ANO4: variants seen among roughly 807,000 people sequenced by gnomAD.
ANO4 encodes anoctamin-4.
In ANO4, 69 loss-of-function variants were observed where a neutral mutation model predicts 141.9. That is an observed-to-expected ratio of 0.49 (90% CI 0.40 to 0.59). The LOEUF (loss-of-function observed/expected upper bound fraction) is 0.59. Ranked by LOEUF, ANO4 falls within the 20% of genes least tolerant of loss-of-function variation. The pLI, the probability that ANO4 is intolerant of heterozygous loss-of-function variation, is 0.00. For synonymous variants in ANO4, 350 were observed against 394.3 expected, an observed-to-expected ratio of 0.89 and a Z score of 1.33; for missense variants, 894 against 1,162.2, an observed-to-expected ratio of 0.77 and a Z score of 3.36.
rs748666892 is a variant in ANO4 at position 100,988,872 on chromosome 12, G to GAAAAAAAAAAAAAAA, written c.734+1204_734+1218dup. 4.8e-4 allele frequency among the ~76,000 whole-genome samples: 31 copies of GAAAAAAAAAAAAAAA among 65,028 alleles called. 1 individual carries two copies. Among genetic ancestry groups the GAAAAAAAAAAAAAAA allele is most frequent in the Admixed American group, 1.2e-3 (7 of 5,978 alleles). The allele number at this position is 65,028 out of a possible 152,430, so 42.7% of individuals were successfully genotyped here. A position where few individuals can be genotyped will look rare whatever the true frequency, so the allele number is the denominator to read the frequency against. ...GGTGACAGAGTGAGACTCTGTCTCAGAAAAAAAAAAAAAAAAGAAAGAAAA... is the reference window on the plus strand; with the variant it reads ...GGTGACAGAGTGAGACTCTGTCTCAGAAAAAAAAAAAAAAAAAAAAAAAAAAAAAAAGAAAGAAAA... On this transcript the variant is annotated intron_variant, in intron 8 of 27. Coordinates refer to ENST00000392977, the MANE Select transcript of ANO4 (RefSeq NM_001286615.2).
At chr12:100,896,790 G>C (rs1301584781) in intron 1 of ANO4, among the ~76,000 whole-genome samples, 2 of 152,172 alleles carry the variant, frequency 1.3e-5, no homozygotes, top group Non-Finnish European at 2.9e-5. Flanking sequence ...AAACGCTAGA[G>C]CCTAAAGCCT....
intron 15 of ANO4, among the ~76,000 whole-genome samples, chr12:101,080,076 C>A (rs915200305): frequency 2.6e-5 from 4 of 152,194 alleles, no homozygotes; most frequent in Non-Finnish European, 4.4e-5. Context: ...CAGAGCCTTG[C>A]TGTGCCAGTA....
At chr12:100,749,835 G>C (rs1171015395) in intron 3 of ANO4, among the ~76,000 whole-genome samples, 1 of 152,210 alleles carries the variant, frequency 6.6e-6, no homozygotes, top group Non-Finnish European at 1.5e-5. Flanking sequence ...GTCCACAAGA[G>C]CTAAGAGAGC....
chr12:100,805,883 A>G (rs1183488272), intron 1 of ANO4, among the ~76,000 whole-genome samples: 1 of 152,172 alleles, frequency 6.6e-6, no homozygotes, highest in Non-Finnish European at 1.5e-5. Flanking sequence ...TTGGAGGACC[A>G]TGTGGCCACA....
At chr12:100,859,759 T>A (rs1468910398) in intron 1 of ANO4, among the ~76,000 whole-genome samples, 1 of 152,184 alleles carries the variant, frequency 6.6e-6, no homozygotes, top group Non-Finnish European at 1.5e-5. Context: ...CGTTCTTTTT[T>A]AATCCTGGCA....
chr12:100,725,260 C>A (rs2031056839), intron 1 of ANO4, among the ~76,000 whole-genome samples: 1 of 151,748 alleles, frequency 6.6e-6, no homozygotes, highest in Non-Finnish European at 1.5e-5. Flanking sequence ...TGTTTGTTTG[C>A]TCAGCCTTTG....
chr12:100,929,667 T>A (rs2042011365), intron 3 of ANO4, among the ~76,000 whole-genome samples: 1 of 152,112 alleles, frequency 6.6e-6, no homozygotes, highest in African/African-American at 2.4e-5. Flanking sequence ...GTTCTATTTT[T>A]AATTTTTTCA....
intron 1 of ANO4, among the ~76,000 whole-genome samples, chr12:100,870,648 TG>T (rs1378439493): frequency 6.6e-6 from 1 of 152,162 alleles, no homozygotes; most frequent in Admixed American, 6.5e-5. Flanking sequence ...AAATTTTAAT[TG>T]GGGTTTGAAA....
At chr12:101,080,865 G>GATATATATATATATTATATATAT (rs1555296490) in intron 15 of ANO4, among the ~76,000 whole-genome samples, 14 of 109,380 alleles carry the variant, frequency 1.3e-4, no homozygotes, top group Non-Finnish European at 2.0e-4. Flanking sequence ...CTAGGTTCTA[G>GATATATATATATATTATATATAT]ATATATATAT....
At chr12:100,811,966 T>A (rs1225437144) in intron 1 of ANO4, among the ~76,000 whole-genome samples, 1 of 152,184 alleles carries the variant, frequency 6.6e-6, no homozygotes, top group Non-Finnish European at 1.5e-5. Flanking sequence ...GTCATAGTGC[T>A]AATGATATAC....
chr12:100,799,208 C>T (rs1422819208), intron 1 of ANO4, among the ~76,000 whole-genome samples: 3 of 152,134 alleles, frequency 2.0e-5, no homozygotes, highest in Admixed American at 1.3e-4. Flanking sequence ...TATTAATTCA[C>T]TTCTATTTGC....
chr12:100,900,073 T>G (rs1251625783), intron 1 of ANO4, among the ~76,000 whole-genome samples: 1 of 143,772 alleles, frequency 7.0e-6, no homozygotes, highest in Non-Finnish European at 1.5e-5. Flanking sequence ...TACACAATTT[T>G]TATTAAAAAG....
At chr12:100,900,806 A>G (rs1250006661) in intron 1 of ANO4, among the ~76,000 whole-genome samples, 1 of 152,220 alleles carries the variant, frequency 6.6e-6, no homozygotes, top group African/African-American at 2.4e-5. Context: ...TCCCTCATCA[A>G]CTAATAAAAA....
At chr12:101,071,092 C>T (rs901119438) in intron 14 of ANO4, among the ~76,000 whole-genome samples, 1 of 152,104 alleles carries the variant, frequency 6.6e-6, no homozygotes, top group African/African-American at 2.4e-5. Context: ...AGTACAACCA[C>T]TATGAAGAAA....
intron 8 of ANO4, among the ~76,000 whole-genome samples, chr12:101,012,908 G>A (rs958565623): frequency 1.3e-5 from 2 of 152,150 alleles, no homozygotes; most frequent in African/African-American, 4.8e-5. Flanking sequence ...GGTCAAGGAT[G>A]CATCTCAAGT....
At chr12:100,838,119 G>A (rs2037040620) in intron 1 of ANO4, among the ~76,000 whole-genome samples, 1 of 151,680 alleles carries the variant, frequency 6.6e-6, no homozygotes. Context: ...TGAGGCTGGT[G>A]GTGGTGAAGG....
chr12:100,837,720 T>A (rs1479509264), intron 1 of ANO4, among the ~76,000 whole-genome samples: 103 of 122,618 alleles, frequency 8.4e-4, no homozygotes, highest in East Asian at 9.9e-4. Flanking sequence ...ACCTTGTCTC[T>A]AAAAAAAAAA....
intron 1 of ANO4, among the ~76,000 whole-genome samples, chr12:100,833,252 A>G (rs2222001): frequency 0.64 from 96,553 of 151,946 alleles, 31,414 homozygotes; most frequent in African/African-American, 0.77. Flanking sequence ...TCTTAGTTTA[A>G]TACCCCCATT....
In ANO4 at chr12:100,901,903, A is replaced by G. The variant is rs2040610854; in HGVS notation, c.55+63A>G. 12 of 1,409,488 alleles carry G rather than the reference A, an allele frequency of 8.5e-6. No homozygotes were observed. The East Asian group carries it at 2.1e-4, about 25-fold the overall frequency. The allele number at this position is 1,409,488 out of a possible 1,614,324, so 87.3% of individuals were successfully genotyped here. ...TAGCAACCTGACCACAGTCTGCATT[A>G]TATTTTTATTGTGTAAATATGCCAT... On this transcript the variant is annotated intron_variant, in intron 2 of 27. Transcript: ENST00000392977.
Sources: allele counts gnomAD v4.1 joint callset (sites outside exome capture counted in the v4.1 genomes callset), GRCh38; gene constraint gnomAD v4.1.1; transcripts MANE v1.5; gene names NCBI Gene and HGNC (gene_info 2026-07-23, HGNC 2026-07-21).